UBE2E2: variants seen among roughly 807,000 people sequenced by gnomAD.
UBE2E2 encodes the protein ubiquitin-conjugating enzyme E2 E2.
In UBE2E2, 6 loss-of-function variants were observed where a neutral mutation model predicts 24.7. The observed-to-expected ratio is 0.24, with a 90% CI of 0.13 to 0.48. The LOEUF is 0.48. Ranked by LOEUF, UBE2E2 falls within the 20% of genes least tolerant of loss-of-function variation. The pLI is 0.99. For synonymous variants in UBE2E2, 104 were observed against 83.6 expected (o/e 1.24, Z -1.33); for missense variants, 169 against 245.0 (o/e 0.69, Z 2.07).
At chr3:23,285,348 G>A (rs1698592722) in intron 3 of UBE2E2, among the ~76,000 whole-genome samples, 1 of 152,182 alleles carries the variant, frequency 6.6e-6, no homozygotes, top group Non-Finnish European at 1.5e-5. Flanking sequence ...TGGGAATGCA[G>A]ATATCTCTTT....
intron 3 of UBE2E2, among the ~76,000 whole-genome samples, chr3:23,442,188 G>C (rs1285444615): frequency 6.6e-6 from 1 of 152,018 alleles, no homozygotes; most frequent in African/African-American, 2.4e-5. Context: ...GAAACAGACA[G>C]GAAATCAGGG....
chr3:23,448,073 C>G (rs1575636753), intron 3 of UBE2E2, among the ~76,000 whole-genome samples: 1 of 152,120 alleles, frequency 6.6e-6, no homozygotes, highest in Middle Eastern at 3.4e-3. Flanking sequence ...TAATTAAAGG[C>G]AGTATTTTTT....
intron 5 of UBE2E2, among the ~76,000 whole-genome samples, chr3:23,588,066 T>A (rs1434500873): frequency 1.3e-5 from 2 of 152,232 alleles, no homozygotes; most frequent in Non-Finnish European, 2.9e-5. Context: ...GTTTCTATTA[T>A]ACCTTTCATA....
At chr3:23,472,889 G>A (rs761916181) in intron 3 of UBE2E2, among the ~76,000 whole-genome samples, 17 of 151,982 alleles carry the variant, frequency 1.1e-4, no homozygotes, top group Non-Finnish European at 2.4e-4. Context: ...CTGGGCTCAA[G>A]CGATCCTCTC....
At chr3:23,290,996 G>C (rs1464030963) in intron 3 of UBE2E2, among the ~76,000 whole-genome samples, 1 of 150,370 alleles carries the variant, frequency 6.7e-6, no homozygotes, top group East Asian at 1.9e-4. Flanking sequence ...TTGAGCCTAG[G>C]AGTTCAAGGC....
At chr3:23,569,249 G>A (rs1459798131) in intron 5 of UBE2E2, among the ~76,000 whole-genome samples, 1 of 152,120 alleles carries the variant, frequency 6.6e-6, no homozygotes, top group African/African-American at 2.4e-5. Context: ...TTCCATTTAG[G>A]AAAAGTTTTC....
At chr3:23,224,312 A>G (rs1399580887) in intron 3 of UBE2E2, among the ~76,000 whole-genome samples, 3 of 151,260 alleles carry the variant, frequency 2.0e-5, no homozygotes, top group Non-Finnish European at 3.0e-5. Context: ...ATACCTTTCC[A>G]TTTTTTTGGT....
chr3:23,557,406 A>G (rs1234140458), intron 5 of UBE2E2, among the ~76,000 whole-genome samples: 2 of 152,230 alleles, frequency 1.3e-5, no homozygotes, highest in East Asian at 3.8e-4. Context: ...TCAGTCAGCT[A>G]GAACCCATCC....
intron 3 of UBE2E2, among the ~76,000 whole-genome samples, chr3:23,222,342 TC>T (rs1374510773): frequency 6.6e-6 from 1 of 152,172 alleles, no homozygotes; most frequent in African/African-American, 2.4e-5. Flanking sequence ...TACATTAATC[TC>T]CTTTCTTTTT....
rs1466872486 is a variant in UBE2E2 at position 23,583,016 on chromosome 3, A to G, written c.509-6718A>G. Among the ~76,000 whole-genome samples the G allele has an allele frequency of 1.3e-5, 2 of 152,070 alleles. No homozygotes were observed. Among genetic ancestry groups the G allele is most frequent in the Admixed American group, 6.6e-5 (1 of 15,246 alleles). On this transcript the variant is annotated intron_variant, in intron 5 of 5. Transcript: ENST00000396703. This position sits in a 1 kb window ranked among gnomAD's most constrained non-coding sequence, Gnocchi z 4.1. ...GGAATTTTTGCCAGGGCCTGTGTCC[A>G]GAATGGTATTTCCTAAGTTGTCTTC...
intron 4 of UBE2E2, among the ~76,000 whole-genome samples, chr3:23,503,489 C>T (rs1321674905): frequency 6.6e-6 from 1 of 152,008 alleles, no homozygotes; most frequent in African/African-American, 2.4e-5. Context: ...CACGCCCGGC[C>T]AGAAGTTCCT....
intron 3 of UBE2E2, among the ~76,000 whole-genome samples, chr3:23,446,247 G>C (rs1013994249): frequency 3.9e-5 from 6 of 152,172 alleles, no homozygotes; most frequent in African/African-American, 1.4e-4. Flanking sequence ...TTTGAGAGAT[G>C]CAAAAACTTG....
chr3:23,568,703 A>ACACATATATG (rs1559424949), intron 5 of UBE2E2, among the ~76,000 whole-genome samples: 92 of 140,322 alleles, frequency 6.6e-4, no homozygotes, highest in South Asian at 1.8e-3. Context: ...ACACATATAT[A>ACACATATATG]TATACATGTA....
intron 3 of UBE2E2, among the ~76,000 whole-genome samples, chr3:23,349,007 C>A (rs774852401): frequency 1.9e-4 from 29 of 152,264 alleles, no homozygotes; most frequent in Middle Eastern, 3.4e-3. Context: ...CACCACCTCC[C>A]CGCAGGAGTT....
intron 3 of UBE2E2, among the ~76,000 whole-genome samples, chr3:23,279,058 A>C (rs1486283780): frequency 6.6e-6 from 1 of 152,150 alleles, no homozygotes; most frequent in East Asian, 1.9e-4. Context: ...AATGTTTTAA[A>C]GGTAAAAAGT....
chr3:23,248,408 G>C (rs986827444), intron 3 of UBE2E2, among the ~76,000 whole-genome samples: 1 of 152,218 alleles, frequency 6.6e-6, no homozygotes, highest in Non-Finnish European at 1.5e-5. Context: ...AGGCGATCAG[G>C]TGGAATTTTT....
chr3:23,464,528 C>G (rs1421859947), intron 3 of UBE2E2, among the ~76,000 whole-genome samples: 1 of 152,044 alleles, frequency 6.6e-6, no homozygotes, highest in Non-Finnish European at 1.5e-5. Flanking sequence ...TTTAAGAGTT[C>G]ATTTAGAAAC....
intron 5 of UBE2E2, among the ~76,000 whole-genome samples, chr3:23,575,311 C>T (rs541154693): frequency 9.9e-5 from 15 of 152,102 alleles, no homozygotes; most frequent in Non-Finnish European, 1.9e-4. Flanking sequence ...TGATAATAAC[C>T]TATATGATCT....
intron 5 of UBE2E2, among the ~76,000 whole-genome samples, chr3:23,539,742 T>A (rs1695346784): frequency 6.6e-6 from 1 of 152,220 alleles, no homozygotes; most frequent in African/African-American, 2.4e-5. Context: ...CTGATTGGTG[T>A]GTTCTGTAAT....
Sources: allele counts gnomAD v4.1 joint callset (sites outside exome capture counted in the v4.1 genomes callset), GRCh38; gene constraint gnomAD v4.1.1; non-coding constraint Gnocchi (gnomAD v3.1); transcripts MANE v1.5; gene names NCBI Gene and HGNC (gene_info 2026-07-23, HGNC 2026-07-21).